CTBS: variants seen among roughly 807,000 people sequenced by gnomAD.
The protein encoded by CTBS is di-N-acetylchitobiase.
A neutral mutation model predicts 44.3 loss-of-function variants in CTBS; 35 were observed. That is an observed-to-expected ratio of 0.79 (90% CI 0.60 to 1.05). The LOEUF is 1.05. CTBS is among the 50% of genes least tolerant of loss of function. CTBS has a pLI of 0.00. For missense variants in CTBS, 458 were observed against 475.3 expected, an observed-to-expected ratio of 0.96 and a Z score of 0.34; for synonymous variants, 143 against 168.0, an observed-to-expected ratio of 0.85 and a Z score of 1.15.
chr1:84,565,559 A>G (rs955784185), intron 4 of CTBS, among the ~76,000 whole-genome samples: 1 of 152,198 alleles, frequency 6.6e-6, no homozygotes, highest in South Asian at 2.1e-4. Context: ...CCCCAACTAT[A>G]TAATACTTAA....
chr1:84,573,789 G>T, intron 1 of CTBS: 1 of 666,908 alleles, frequency 1.5e-6, no homozygotes, highest in Non-Finnish European at 1.9e-6. Flanking sequence ...TACTTTAAAG[G>T]AAAGGGCTAG....
rs960434935 is a variant in CTBS at position 84,550,841 on chromosome 1, A to C, written c.*4158T>G. On this transcript the variant is annotated 3_prime_UTR_variant, in exon 7 of 7. Transcript: ENST00000370630. Reference sequence around the variant, plus strand: ...TTTTAAGTAGTTTTCCTGTATTAGAATTATTAAGTCTGATAAACCACTGAG... The same window carrying C: ...TTTTAAGTAGTTTTCCTGTATTAGACTTATTAAGTCTGATAAACCACTGAG... 4.0e-6 allele frequency: 4 copies of C among 995,868 alleles called. No individual in the cohort carries two copies. Among genetic ancestry groups the C allele is most frequent in the Admixed American group, 6.0e-5 (1 of 16,684 alleles). 61.7% of individuals were successfully genotyped at this position (995,868 alleles called of 1,614,324 possible). A position where few individuals can be genotyped will look rare whatever the true frequency, so the allele number is the denominator to read the frequency against.
At chr1:84,556,571 GC>G (rs1216931130) in intron 6 of CTBS, among the ~76,000 whole-genome samples, 6 of 152,060 alleles carry the variant, frequency 3.9e-5, no homozygotes, top group Admixed American at 1.3e-4. Flanking sequence ...AATTAGCTGG[GC>G]TTGGTGGTGC....
At chr1:84,568,841 C>G (rs1647209622) in intron 3 of CTBS, among the ~76,000 whole-genome samples, 1 of 152,074 alleles carries the variant, frequency 6.6e-6, no homozygotes, top group African/African-American at 2.4e-5. Context: ...AAGTGCTGAT[C>G]CCGCTTTGCC....
rs1188786510 is a variant in CTBS, at chr1:84,553,334, C to T, written c.*1665G>A. 4.0e-6 allele frequency: 1 copy of T among 248,984 alleles called. No homozygotes were observed. Among genetic ancestry groups the T allele is most frequent in the African/African-American group, 2.3e-5 (1 of 44,356 alleles). 15.4% of individuals were successfully genotyped at this position (248,984 alleles called of 1,614,324 possible). A position where few individuals can be genotyped will look rare whatever the true frequency, so the allele number is the denominator to read the frequency against. ...ATGGTTATTTTTAACATTCCAAGTC[C>T]TTTACATATTATTTTACAGTGCTAA... On this transcript the variant is annotated 3_prime_UTR_variant, in exon 7 of 7. Coordinates refer to ENST00000370630, the MANE Select transcript of CTBS (RefSeq NM_004388.3).
rs116350413 is a variant in CTBS at position 84,562,075 on chromosome 1, A to G, written c.957+1182T>C. Reference sequence around the variant, plus strand: ...CAGTTTCTAAGAACTGCATGTTTCTAAGAATGCTGTGAAACAAGATTATAT... The same window carrying G: ...CAGTTTCTAAGAACTGCATGTTTCTGAGAATGCTGTGAAACAAGATTATAT... On this transcript the variant is annotated intron_variant, in intron 6 of 6. Coordinates refer to ENST00000370630, the MANE Select transcript of CTBS (RefSeq NM_004388.3). Among the ~76,000 whole-genome samples the G allele has an allele frequency of 1.8e-3, 274 of 152,348 alleles. 1 individual carries two copies. Among genetic ancestry groups the G allele is most frequent in the Middle Eastern group, 3.4e-3 (1 of 294 alleles).
At chr1:84,561,763 A>G (rs1037692108) in intron 6 of CTBS, among the ~76,000 whole-genome samples, 2 of 152,276 alleles carry the variant, frequency 1.3e-5, no homozygotes, top group Non-Finnish European at 2.9e-5. Context: ...CAAGCAGGTT[A>G]TAACTTGATA....
At chr1:84,563,233 C>A in intron 6 of CTBS, 24 bp downstream of exon 6, 2 of 1,403,794 alleles carry the variant, frequency 1.4e-6, no homozygotes, top group Non-Finnish European at 1.9e-6. Context: ...AGAATAAATG[C>A]TCATAACTTA....
chr1:84,558,973 A>C (rs950008451), intron 6 of CTBS, among the ~76,000 whole-genome samples: 1 of 152,210 alleles, frequency 6.6e-6, no homozygotes, highest in Non-Finnish European at 1.5e-5. Context: ...TACTAAGGTC[A>C]GGATTACAAA....
chr1:84,549,907 T>G lies in CTBS; in HGVS notation c.*5092A>C, dbSNP rs1684219646. On this transcript the variant is annotated 3_prime_UTR_variant, in exon 7 of 7. Coordinates refer to ENST00000370630, the MANE Select transcript of CTBS (RefSeq NM_004388.3). ...TAGCATAGCTTATACTTTATCTTAC[T>G]GTTTAATCAGTTCAATATAAGAATT... 1 of 151,794 alleles carries G rather than the reference T, an allele frequency of 6.6e-6. No individual in the cohort carries two copies. Among genetic ancestry groups the G allele is most frequent in the Admixed American group, 6.6e-5 (1 of 15,226 alleles). The allele number at this position is 151,794 out of a possible 1,614,324, so 9.4% of individuals were successfully genotyped here.
intron 6 of CTBS, among the ~76,000 whole-genome samples, chr1:84,558,145 G>A (rs1373335809): frequency 1.3e-5 from 2 of 152,022 alleles, no homozygotes; most frequent in Non-Finnish European, 2.9e-5. Flanking sequence ...CTAAGAGAAT[G>A]GATTTTAAGT....
rs1291872717 is a variant in CTBS at position 84,551,720 on chromosome 1, T to A, written c.*3279A>T. On this transcript the variant is annotated 3_prime_UTR_variant, in exon 7 of 7. Transcript: ENST00000370630. ...AAAAGGAAAAGAGCAGAGGATAATT[T>A]TTAACAAAATATCAGTTAAATATGC... 6.6e-6 allele frequency: 1 copy of A among 152,124 alleles called. No homozygotes were observed. The highest frequency in any genetic ancestry group is 1.5e-5 in the Non-Finnish European group (1 of 67,986). 9.4% of individuals were successfully genotyped at this position (152,124 alleles called of 1,614,324 possible).
intron 1 of CTBS, chr1:84,573,861 G>A (rs1647386096): frequency 9.1e-7 from 1 of 1,094,634 alleles, no homozygotes; most frequent in African/African-American, 1.7e-5. Context: ...TTGGAGTGCT[G>A]AGATTCTTTC....
Position 84,551,077 on chromosome 1 carries a change from T to C in CTBS, c.*3922A>G. 1.5e-5 allele frequency: 15 copies of C among 985,360 alleles called. No individual in the cohort carries two copies. Among genetic ancestry groups the C allele is most frequent in the Non-Finnish European group, 1.8e-5 (15 of 829,884 alleles). 61.0% of individuals were successfully genotyped at this position (985,360 alleles called of 1,614,324 possible). ...GCTTAGTAGAGGCTTCTGGGCATGC[T>C]CTATTTGGTGAGAATTGTGTACAAC... On this transcript the variant is annotated 3_prime_UTR_variant, in exon 7 of 7. Coordinates refer to ENST00000370630, the MANE Select transcript of CTBS (RefSeq NM_004388.3).
intron 6 of CTBS, among the ~76,000 whole-genome samples, chr1:84,555,627 G>C (rs1239639311): frequency 1.3e-5 from 2 of 152,120 alleles, no homozygotes; most frequent in Admixed American, 6.5e-5. Context: ...GATTCTACTT[G>C]AGCTCCTTTT....
rs115213434 is a variant in CTBS, at chr1:84,563,964, A to G, written c.698-132T>C. The G allele has an allele frequency of 3.1e-4, 332 of 1,056,112 alleles. 3 individuals are homozygous for G. In the African/African-American group the frequency reaches 5.1e-3, roughly 16 times the overall value. 65.4% of individuals were successfully genotyped at this position (1,056,112 alleles called of 1,614,324 possible). A position where few individuals can be genotyped will look rare whatever the true frequency, so the allele number is the denominator to read the frequency against. On this transcript the variant is annotated intron_variant, in intron 4 of 6. Transcript: ENST00000370630. ...ATAAAAAACACTAATATTGTTTAAT[A>G]TGTTATAAAACATCCCTTAAGAACC...
intron 3 of CTBS, among the ~76,000 whole-genome samples, chr1:84,568,747 G>A (rs976620245): frequency 3.3e-5 from 5 of 152,140 alleles, no homozygotes; most frequent in Admixed American, 1.3e-4. Flanking sequence ...TGCTGTTCTC[G>A]TGATAGAGTT....
rs1462645710 is a variant in CTBS at position 84,553,966 on chromosome 1, G to A, written c.*1033C>T. 6.6e-6 allele frequency: 1 copy of A among 152,122 alleles called. No homozygotes were observed. The highest frequency in any genetic ancestry group is 6.6e-5 in the Admixed American group (1 of 15,264). The allele number at this position is 152,122 out of a possible 1,614,324, so 9.4% of individuals were successfully genotyped here. On this transcript the variant is annotated 3_prime_UTR_variant, in exon 7 of 7. Coordinates refer to ENST00000370630, the MANE Select transcript of CTBS (RefSeq NM_004388.3). ...TGATCTTTTAGAAAGAGAACTAGTT[G>A]AGAAGCTAATCAGTGTCTTTAGATC...
At position 84,566,055 on chromosome 1, in the gene CTBS, G is replaced by C. The variant is rs760599671; in HGVS notation, c.526-43C>G. On this transcript the variant is annotated intron_variant, in intron 3 of 6. Transcript: ENST00000370630. ...ACTATTTTATGTAATATGATCACGTGTGCATATTACGTCAGATTTTTAAAA... is the reference window on the plus strand; with the variant it reads ...ACTATTTTATGTAATATGATCACGTCTGCATATTACGTCAGATTTTTAAAA... The C allele has an allele frequency of 3.2e-6, 4 of 1,267,146 alleles. No individual in the cohort carries two copies. In the South Asian group the frequency reaches 8.7e-5, roughly 28 times the overall value. The allele number at this position is 1,267,146 out of a possible 1,614,324, so 78.5% of individuals were successfully genotyped here. A position where few individuals can be genotyped will look rare whatever the true frequency, so the allele number is the denominator to read the frequency against.
Sources: allele counts gnomAD v4.1 joint callset (sites outside exome capture counted in the v4.1 genomes callset), GRCh38; gene constraint gnomAD v4.1.1; transcripts MANE v1.5; gene names NCBI Gene and HGNC (gene_info 2026-07-23, HGNC 2026-07-21).